PRKN: variants seen among roughly 807,000 people sequenced by gnomAD.
PRKN encodes E3 ubiquitin-protein ligase parkin.
Under a neutral mutation model 59.5 loss-of-function variants are expected in PRKN, and 56 were observed. The ratio of observed to expected loss-of-function variants is 0.94; its 90% confidence interval spans 0.76 to 1.18. The LOEUF is 1.18. Ranked by LOEUF, PRKN falls within the 50% of genes most tolerant of loss-of-function variation. The probability of loss-of-function intolerance (pLI) is 0.00; values close to 1 mark genes in which losing one functional copy is unlikely to be tolerated. For missense variants in PRKN, 657 were observed against 596.4 expected, an observed-to-expected ratio of 1.10 and a Z score of -1.06; for synonymous variants, 250 against 222.1, an observed-to-expected ratio of 1.13 and a Z score of -1.12.
At chr6:162,494,297 C>A (rs879579966) in intron 1 of PRKN, among the ~76,000 whole-genome samples, 3 of 152,180 alleles carry the variant, frequency 2.0e-5, no homozygotes, top group South Asian at 2.1e-4. Context: ...TGTCCCCTGG[C>A]CTTTCCTCAA....
intron 9 of PRKN, among the ~76,000 whole-genome samples, chr6:161,435,419 G>A (rs1410854176): frequency 6.6e-6 from 1 of 152,080 alleles, no homozygotes; most frequent in African/African-American, 2.4e-5. Flanking sequence ...TTTTGTTAAT[G>A]TTGTTTATAA....
intron 1 of PRKN, among the ~76,000 whole-genome samples, chr6:162,454,401 A>T (rs1270217269): frequency 1.3e-5 from 2 of 152,218 alleles, no homozygotes. Context: ...CTCAATTTTC[A>T]AAGTGCTTTT....
At chr6:161,970,394 C>T (rs1043308156) in intron 6 of PRKN, among the ~76,000 whole-genome samples, 12 of 111,564 alleles carry the variant, frequency 1.1e-4, no homozygotes, top group African/African-American at 1.2e-4. Context: ...AAGCATGATA[C>T]GAAACTATAT....
chr6:162,138,468 C>T (rs1247644266), intron 4 of PRKN, among the ~76,000 whole-genome samples: 1 of 152,046 alleles, frequency 6.6e-6, no homozygotes, highest in South Asian at 2.1e-4. Context: ...CTACAAAATC[C>T]ACCACCTAAT....
At chr6:161,610,948 T>A (rs1782467107) in intron 7 of PRKN, among the ~76,000 whole-genome samples, 1 of 152,170 alleles carries the variant, frequency 6.6e-6, no homozygotes. Flanking sequence ...AATTTTATTC[T>A]AATTATAAAG....
intron 4 of PRKN, among the ~76,000 whole-genome samples, chr6:162,079,541 A>G (rs1778972904): frequency 6.6e-6 from 1 of 152,066 alleles, no homozygotes; most frequent in Non-Finnish European, 1.5e-5. Flanking sequence ...GAATATTTCC[A>G]AAGAAAAACA....
chr6:161,727,919 C>T (rs1423345317), intron 7 of PRKN, among the ~76,000 whole-genome samples: 1 of 152,076 alleles, frequency 6.6e-6, no homozygotes, highest in Non-Finnish European at 1.5e-5. Context: ...CAATTCCATA[C>T]CCCAGAAAAT....
In PRKN at chr6:161,499,523, C is replaced by T. The variant is rs1213123280; in HGVS notation, c.1083+49331G>A. On this transcript the variant is annotated intron_variant, in intron 9 of 11. Coordinates refer to ENST00000366898, the MANE Select transcript of PRKN (RefSeq NM_004562.3). This position sits in a 1 kb window ranked among gnomAD's most constrained non-coding sequence, Gnocchi z 4.2. ...TTATTGGCTTTGGAATGTGGGACCT[C>T]TCTTCTAGCCTCTTGCATCTACCTC... Among the ~76,000 whole-genome samples, 1 of 152,126 alleles carries T rather than the reference C, an allele frequency of 6.6e-6. No homozygotes were observed. The highest frequency in any genetic ancestry group is 1.5e-5 in the Non-Finnish European group (1 of 68,040).
At chr6:162,601,409 G>T (rs1211546403) in intron 1 of PRKN, among the ~76,000 whole-genome samples, 1 of 152,054 alleles carries the variant, frequency 6.6e-6, no homozygotes, top group Non-Finnish European at 1.5e-5. Context: ...TTTGTTTAAG[G>T]CTTCTCTTAC....
At chr6:161,570,124 TAAAAAAAAA>T (rs55699586) in intron 7 of PRKN, among the ~76,000 whole-genome samples, 25 of 51,418 alleles carry the variant, frequency 4.9e-4, no homozygotes, top group African/African-American at 1.8e-3. Flanking sequence ...AGTAAATAGG[TAAAAAAAAA>T]AAAAAAAAAA....
chr6:162,235,963 A>AAGAAAGAAAGAAAG (rs1778662562), intron 3 of PRKN, among the ~76,000 whole-genome samples: 2 of 61,540 alleles, frequency 3.2e-5, no homozygotes, highest in African/African-American at 7.6e-5. Flanking sequence ...GAAAGGAAGA[A>AAGAAAGAAAGAAAG]AGAAAGAAAG....
Position 161,439,651 on chromosome 6 carries a change from C to T in PRKN, c.1084-52774G>A, listed in dbSNP as rs112361561. Among the ~76,000 whole-genome samples the T allele has an allele frequency of 3.5e-4, 53 of 152,260 alleles. 1 individual carries two copies. The highest frequency in any genetic ancestry group is 1.2e-3 in the African/African-American group (50 of 41,554). ...CGATTCCATCTACACTGAACTAAACCGGTTTGTGCCAAAGAGCTAGAAGTG... is the reference window on the plus strand; with the variant it reads ...CGATTCCATCTACACTGAACTAAACTGGTTTGTGCCAAAGAGCTAGAAGTG... On this transcript the variant is annotated intron_variant, in intron 9 of 11. Coordinates refer to ENST00000366898, the MANE Select transcript of PRKN (RefSeq NM_004562.3).
chr6:162,400,457 C>CAAAAAAAAAA (rs3081908), intron 2 of PRKN, among the ~76,000 whole-genome samples: 6 of 98,698 alleles, frequency 6.1e-5, no homozygotes, highest in Non-Finnish European at 7.8e-5. Context: ...ATGTAAATAT[C>CAAAAAAAAAA]AAAAAAAAAA....
chr6:162,605,864 GCTT>G lies in PRKN; in HGVS notation c.7+121795_7+121797del, dbSNP rs201294657. 6.5e-3 allele frequency among the ~76,000 whole-genome samples: 995 copies of G among 152,090 alleles called. 6 individuals are homozygous for G. Among genetic ancestry groups the G allele is most frequent in the South Asian group, 0.018 (86 of 4,816 alleles). On this transcript the variant is annotated intron_variant, in intron 1 of 11. Transcript: ENST00000366898. Reference sequence around the variant, plus strand: ...AAAAGTAGACAAAAATTTGCCAATGGCTTCTATTTTAAGTATTCATATTTAAGC... The same window carrying G: ...AAAAGTAGACAAAAATTTGCCAATGGCTATTTTAAGTATTCATATTTAAGC...
chr6:161,833,698 G>A (rs79935121), intron 6 of PRKN, among the ~76,000 whole-genome samples: 3,121 of 152,250 alleles, frequency 0.02, 106 homozygotes, highest in African/African-American at 0.071. Context: ...AGTGAGATGA[G>A]TCTGCAGCTT....
intron 6 of PRKN, among the ~76,000 whole-genome samples, chr6:161,946,414 A>ACACTCT (rs1247187053): frequency 1.7e-3 from 189 of 114,440 alleles, no homozygotes; most frequent in Non-Finnish European, 2.2e-3. Context: ...ACACACACAC[A>ACACTCT]CTCTCTCTCT....
intron 4 of PRKN, among the ~76,000 whole-genome samples, chr6:162,161,485 T>C (rs1782755547): frequency 6.6e-6 from 1 of 152,152 alleles, no homozygotes; most frequent in Admixed American, 6.5e-5. Context: ...AAATAAGCAA[T>C]ACATAAGTTT....
intron 4 of PRKN, among the ~76,000 whole-genome samples, chr6:162,117,776 C>T (rs188039825): frequency 1.3e-3 from 205 of 152,272 alleles, no homozygotes; most frequent in African/African-American, 4.0e-3. Flanking sequence ...TGAGTGAATG[C>T]AACTGATGGA....
intron 6 of PRKN, among the ~76,000 whole-genome samples, chr6:161,786,398 A>T (rs1456449991): frequency 1.3e-5 from 2 of 152,174 alleles, no homozygotes; most frequent in African/African-American, 2.4e-5. Flanking sequence ...TGTTTTAAAA[A>T]TTTAAATCTT....
Sources: gnomAD v4.1 joint callset for allele counts (sites outside exome capture counted in the v4.1 genomes callset) on GRCh38, gnomAD v4.1.1 for gene constraint, Gnocchi (gnomAD v3.1) non-coding constraint, MANE v1.5 for transcripts, NCBI Gene and HGNC (gene_info 2026-07-23, HGNC 2026-07-21) for gene names.